C1orf21: variants seen among roughly 807,000 people sequenced by gnomAD.
The protein encoded by C1orf21 is uncharacterized protein C1orf21.
C1orf21 carries 3 observed loss-of-function variants against 18.7 expected under a neutral mutation model. The observed-to-expected ratio is 0.16, with a 90% CI of 0.07 to 0.42. The LOEUF (loss-of-function observed/expected upper bound fraction) is 0.42. Among genes scored for constraint, C1orf21 ranks in the 10% least tolerant of loss-of-function variants. The pLI, the probability that C1orf21 is intolerant of heterozygous loss-of-function variation, is 0.99. For synonymous variants in C1orf21, 41 were observed against 46.4 expected, an observed-to-expected ratio of 0.88 and a Z score of 0.47; for missense variants, 104 against 143.6, an observed-to-expected ratio of 0.72 and a Z score of 1.41.
intron 1 of C1orf21, among the ~76,000 whole-genome samples, chr1:184,468,871 T>C (rs1657447570): frequency 6.6e-6 from 1 of 151,518 alleles, no homozygotes; most frequent in African/African-American, 2.4e-5. Context: ...TGAGCCGAGA[T>C]TGTGCCATTG....
chr1:184,543,151 G>T (rs1168401821), intron 3 of C1orf21, among the ~76,000 whole-genome samples: 1 of 152,088 alleles, frequency 6.6e-6, no homozygotes, highest in Non-Finnish European at 1.5e-5. Context: ...AGGAATTCCA[G>T]CCTTGGCAAT....
At chr1:184,587,621 G>A (rs577642480) in intron 3 of C1orf21, among the ~76,000 whole-genome samples, 5 of 148,512 alleles carry the variant, frequency 3.4e-5, no homozygotes, top group African/African-American at 5.0e-5. Context: ...TGTTGTTGGT[G>A]TATAGGAGTG....
At chr1:184,589,291 A>C (rs1659403141) in intron 3 of C1orf21, among the ~76,000 whole-genome samples, 1 of 152,244 alleles carries the variant, frequency 6.6e-6, no homozygotes, top group Non-Finnish European at 1.5e-5. Context: ...CTTCAGTCCT[A>C]CAAAGAGACT....
At position 184,410,650 on chromosome 1, in the gene C1orf21, T is replaced by TATATA. The variant is rs1557965093; in HGVS notation, c.-125+23283_-125+23287dup. 2.6e-3 allele frequency among the ~76,000 whole-genome samples: 17 copies of TATATA among 6,666 alleles called. 4 individuals carry two copies. In the African/African-American group the frequency reaches 0.04, roughly 16 times the overall value. The allele number at this position is 6,666 out of a possible 152,430, so 4.4% of individuals were successfully genotyped here. A position where few individuals can be genotyped will look rare whatever the true frequency, so the allele number is the denominator to read the frequency against. On this transcript the variant is annotated intron_variant, in intron 1 of 5. Transcript: ENST00000235307. ...ATATATATATATATATATATATATA[T>TATATA]ATATATATATATATTTTTTTTTTTT...
chr1:184,617,332 C>T (rs1305064596), intron 5 of C1orf21, among the ~76,000 whole-genome samples: 1 of 152,184 alleles, frequency 6.6e-6, no homozygotes, highest in African/African-American at 2.4e-5. Context: ...CCTACCTTTC[C>T]TCTCCACCTG....
chr1:184,428,183 A>G (rs560615931), intron 1 of C1orf21, among the ~76,000 whole-genome samples: 8 of 152,292 alleles, frequency 5.3e-5, no homozygotes, highest in Admixed American at 3.3e-4. Context: ...CATTTTAAAT[A>G]TTTGTGCCTT....
At chr1:184,538,564 C>A (rs1399617601) in intron 3 of C1orf21, among the ~76,000 whole-genome samples, 3 of 152,060 alleles carry the variant, frequency 2.0e-5, no homozygotes, top group African/African-American at 7.2e-5. Context: ...TTGCCTTATG[C>A]TTTCTAATAA....
intron 3 of C1orf21, among the ~76,000 whole-genome samples, chr1:184,523,442 C>T (rs1658334050): frequency 6.6e-6 from 1 of 151,980 alleles, no homozygotes. Flanking sequence ...GACTGGTACT[C>T]CTGAAAACTA....
At chr1:184,437,040 T>C (rs1304370430) in intron 1 of C1orf21, among the ~76,000 whole-genome samples, 1 of 152,124 alleles carries the variant, frequency 6.6e-6, no homozygotes, top group African/African-American at 2.4e-5. Flanking sequence ...GGGCCTTTTC[T>C]GTCCATGGTA....
chr1:184,404,365 A>T (rs1459776194), intron 1 of C1orf21, among the ~76,000 whole-genome samples: 2 of 152,094 alleles, frequency 1.3e-5, no homozygotes, highest in Non-Finnish European at 2.9e-5. Flanking sequence ...TTATTTCTCA[A>T]GGTTCTGGGG....
At chr1:184,565,572 T>C (rs1659023895) in intron 3 of C1orf21, among the ~76,000 whole-genome samples, 2 of 152,222 alleles carry the variant, frequency 1.3e-5, no homozygotes, top group African/African-American at 2.4e-5. Context: ...CAGTTTGTAG[T>C]ATGACTTTAT....
intron 1 of C1orf21, among the ~76,000 whole-genome samples, chr1:184,460,620 G>GTCGTCTTCTTCTTCTTCT (rs1284129710): frequency 1.9e-4 from 21 of 112,090 alleles, no homozygotes; most frequent in African/African-American, 7.9e-4. Context: ...TGTCGTCGTC[G>GTCGTCTTCTTCTTCTTCT]TCTTCTTCTT....
At chr1:184,407,119 G>A (rs578026396) in intron 1 of C1orf21, among the ~76,000 whole-genome samples, 1 of 152,064 alleles carries the variant, frequency 6.6e-6, no homozygotes, top group Non-Finnish European at 1.5e-5. Flanking sequence ...GGGACTATGG[G>A]TGCATATCAC....
chr1:184,477,955 G>A (rs1247887249), intron 2 of C1orf21, among the ~76,000 whole-genome samples: 3 of 152,188 alleles, frequency 2.0e-5, no homozygotes, highest in Non-Finnish European at 4.4e-5. Context: ...TACCGTCTGA[G>A]GTGAAAGGGT....
At chr1:184,593,271 TTGTGTG>T (rs55802126) in intron 4 of C1orf21, among the ~76,000 whole-genome samples, 9,386 of 149,782 alleles carry the variant, frequency 0.063, 396 homozygotes, top group African/African-American at 0.11. Flanking sequence ...AGCAGCATGC[TTGTGTG>T]TGTGTGTGTG....
At chr1:184,391,663 A>G (rs902617849) in intron 1 of C1orf21, among the ~76,000 whole-genome samples, 3 of 152,204 alleles carry the variant, frequency 2.0e-5, no homozygotes, top group African/African-American at 7.2e-5. Context: ...GACACATTTG[A>G]CAGGAAACAT....
intron 3 of C1orf21, among the ~76,000 whole-genome samples, chr1:184,521,221 G>C (rs1255488803): frequency 6.6e-6 from 1 of 152,050 alleles, no homozygotes; most frequent in Non-Finnish European, 1.5e-5. Flanking sequence ...AAATAGATCT[G>C]AATTTCTTAC....
chr1:184,390,477 T>G (rs1030789664), intron 1 of C1orf21, among the ~76,000 whole-genome samples: 3 of 152,208 alleles, frequency 2.0e-5, no homozygotes, highest in African/African-American at 7.2e-5. Flanking sequence ...TGCCTCCAGT[T>G]TTTTAGGAAC....
intron 3 of C1orf21, among the ~76,000 whole-genome samples, chr1:184,587,524 TTGTGTGTGTGTGTGTGTGTGTGTG>T (rs3034486): frequency 7.2e-6 from 1 of 139,632 alleles, no homozygotes; most frequent in African/African-American, 2.6e-5. Context: ...TTCCTAGGAA[TTGTGTGTGTGTGTGTGTGTGTGTG>T]TGTGTGTGTG....
Sources: gnomAD v4.1 joint callset for allele counts (sites outside exome capture counted in the v4.1 genomes callset) on GRCh38, gnomAD v4.1.1 for gene constraint, MANE v1.5 for transcripts, NCBI Gene and HGNC (gene_info 2026-07-23, HGNC 2026-07-21) for gene names.